The following LETM2 variants were observed in gnomAD, a reference collection of about 807,000 sequenced individuals.
LETM2 encodes leucine zipper and EF-hand containing transmembrane protein 2.
In LETM2, 58 loss-of-function variants were observed where a neutral mutation model predicts 59.6. That is an observed-to-expected ratio of 0.97 (90% CI 0.79 to 1.21). LETM2 has a LOEUF of 1.21. LETM2 is among the 50% of genes most tolerant of loss of function. The probability of loss-of-function intolerance (pLI) is 0.00; values close to 1 mark genes in which losing one functional copy is unlikely to be tolerated. For missense variants in LETM2, 572 were observed against 575.7 expected, an observed-to-expected ratio of 0.99 and a Z score of 0.07; for synonymous variants, 199 against 214.1, an observed-to-expected ratio of 0.93 and a Z score of 0.62.
Position 38,401,135 on chromosome 8 carries a change from A to AT in LETM2, c.984+88dup, listed in dbSNP as rs1243993903. On this transcript the variant is annotated intron_variant, in intron 6 of 10. Transcript: ENST00000379957. ...GTGCCTGTGGGATGAAGTGTGCAGTATTTTTTGTTTTTGTTTTTGTTTTTG... is the reference window on the plus strand; with the variant it reads ...GTGCCTGTGGGATGAAGTGTGCAGTATTTTTTTGTTTTTGTTTTTGTTTTTG... 2.6e-5 allele frequency: 31 copies of AT among 1,195,726 alleles called. No homozygotes were observed. The East Asian group carries it at 4.0e-4, about 16-fold the overall frequency. 74.1% of individuals were successfully genotyped at this position (1,195,726 alleles called of 1,614,324 possible).
rs972909162 is a variant in LETM2, at chr8:38,404,309, G to A, written c.1105-84G>A. On this transcript the variant is annotated intron_variant, in intron 7 of 10. Transcript: ENST00000379957. Reference sequence around the variant, plus strand: ...GAAAGGGCGGGGGCGGTGGGAAGCTGTCAGCCAGGGAGGGTAGATGACCGC... The same window carrying A: ...GAAAGGGCGGGGGCGGTGGGAAGCTATCAGCCAGGGAGGGTAGATGACCGC... The A allele has an allele frequency of 2.8e-5, 26 of 942,470 alleles. No individual in the cohort carries two copies. In the East Asian group the frequency reaches 5.1e-4, roughly 18 times the overall value. The allele number at this position is 942,470 out of a possible 1,614,324, so 58.4% of individuals were successfully genotyped here.
chr8:38,389,514 G>A (rs913928234), intron 2 of LETM2, among the ~76,000 whole-genome samples: 29 of 152,030 alleles, frequency 1.9e-4, no homozygotes, highest in Admixed American at 1.8e-3. Flanking sequence ...CACCGTGCCC[G>A]GCCACCATTT....
At chr8:38,408,137 AC>A in intron 10 of LETM2, 74 bp from the exon 11 acceptor site, 1 of 1,112,376 alleles carries the variant, frequency 9.0e-7, no homozygotes, top group East Asian at 2.5e-5. Flanking sequence ...GATTAAGAAA[AC>A]AAAAATAGCA....
chr8:38,389,826 C>G lies in LETM2; in HGVS notation c.47+1796C>G, dbSNP rs569333749. 9.9e-4 allele frequency among the ~76,000 whole-genome samples: 150 copies of G among 151,876 alleles called. 2 individuals carry two copies. Among genetic ancestry groups the G allele is most frequent in the Middle Eastern group, 3.4e-3 (1 of 294 alleles). Reference sequence around the variant, plus strand: ...CCATCCTGGCCAATGTGGTGAAACCCCGTCTCTACTAAAAATACAAAAATT... The same window carrying G: ...CCATCCTGGCCAATGTGGTGAAACCGCGTCTCTACTAAAAATACAAAAATT... On this transcript the variant is annotated intron_variant, in intron 2 of 10. Transcript: ENST00000379957.
rs118023070 is a variant in LETM2, at chr8:38,405,349, G to A, written c.1218+843G>A. Among the ~76,000 whole-genome samples, 731 of 152,216 alleles carry A rather than the reference G, an allele frequency of 4.8e-3. 3 individuals carry two copies. The highest frequency in any genetic ancestry group is 9.9e-3 in the Admixed American group (152 of 15,292). The stretch of plus-strand genomic sequence containing the variant: ...CTGGGCCCATCAGAAAGGGCCTCCC[G>A]CTTCTCTAGCTGGTGGCTTCCTGTC... On this transcript the variant is annotated intron_variant, in intron 8 of 10. Coordinates refer to ENST00000379957, the MANE Select transcript of LETM2 (RefSeq NM_001286819.2).
chr8:38,399,794 A>AAT (rs1173546944), intron 4 of LETM2, among the ~76,000 whole-genome samples: 21 of 151,378 alleles, frequency 1.4e-4, no homozygotes, highest in African/African-American at 4.6e-4. Context: ...AAAAAAAAAA[A>AAT]AATTAGCCAG....
chr8:38,384,451 C>T (rs1307066816), upstream of LETM2, among the ~76,000 whole-genome samples: 1 of 152,190 alleles, frequency 6.6e-6, no homozygotes, highest in Admixed American at 6.5e-5. Flanking sequence ...CAGTATCTAA[C>T]ATCTTCTGAG....
At chr8:38,388,315 G>A (rs1333308050) in intron 2 of LETM2, among the ~76,000 whole-genome samples, 1 of 151,704 alleles carries the variant, frequency 6.6e-6, no homozygotes, top group Non-Finnish European at 1.5e-5. Flanking sequence ...CCTGACCTTA[G>A]GTGATCCGCC....
chr8:38,393,109 A>G, intron 3 of LETM2, 114 bp downstream of exon 3: 2 of 905,256 alleles, frequency 2.2e-6, no homozygotes, highest in Non-Finnish European at 3.3e-6. Context: ...AGTAGGAATA[A>G]TAACTGCTGG....
chr8:38,388,229 G>A (rs931076870), intron 2 of LETM2, among the ~76,000 whole-genome samples, 199 bp downstream of exon 2: 2 of 151,862 alleles, frequency 1.3e-5, no homozygotes, highest in Middle Eastern at 3.4e-3. Context: ...ACAGGTGTTT[G>A]CCACCACCTC....
chr8:38,408,347 C>G lies in LETM2; in HGVS notation c.*73C>G, dbSNP rs1813908953. ...ACAGTGGCATCTGTAAAGGACCTCCCAGATAAGACTGTCTGGCTTCAGAGA... is the reference window on the plus strand; with the variant it reads ...ACAGTGGCATCTGTAAAGGACCTCCGAGATAAGACTGTCTGGCTTCAGAGA... On this transcript the variant is annotated 3_prime_UTR_variant, in exon 11 of 11. Coordinates refer to ENST00000379957, the MANE Select transcript of LETM2 (RefSeq NM_001286819.2). 1 of 1,283,544 alleles carries G rather than the reference C, an allele frequency of 7.8e-7. No individual in the cohort carries two copies. The allele number at this position is 1,283,544 out of a possible 1,614,324, so 79.5% of individuals were successfully genotyped here. A position where few individuals can be genotyped will look rare whatever the true frequency, so the allele number is the denominator to read the frequency against.
chr8:38,394,070 A>C (rs1451311217), intron 3 of LETM2, 28 bp from the exon 4 acceptor site: 2 of 1,397,656 alleles, frequency 1.4e-6, no homozygotes, highest in South Asian at 1.6e-5. Flanking sequence ...TAAAATAATG[A>C]ATATTGCATA....
At chr8:38,398,959 G>A (rs1290396102) in intron 4 of LETM2, among the ~76,000 whole-genome samples, 2 of 152,028 alleles carry the variant, frequency 1.3e-5, no homozygotes, top group African/African-American at 4.8e-5. Context: ...GATCTCAGGT[G>A]ATCCAGCTGC....
intron 8 of LETM2, among the ~76,000 whole-genome samples, chr8:38,405,119 G>C (rs1255664179): frequency 1.3e-5 from 2 of 152,130 alleles, no homozygotes; most frequent in Non-Finnish European, 2.9e-5. Context: ...TTAGCAGACT[G>C]GTGTGTGTGG....
At chr8:38,394,637 T>C (rs941163355) in intron 4 of LETM2, among the ~76,000 whole-genome samples, 3 of 151,570 alleles carry the variant, frequency 2.0e-5, no homozygotes, top group Admixed American at 6.6e-5. Context: ...AGCCCAGGAG[T>C]TTGAGACCAG....
Position 38,408,271 on chromosome 8 carries a change from A to G in LETM2, c.1473A>G (p.Ala491=), listed in dbSNP as rs778392059. The part of the protein sequence containing the change: ...AQNSKASSKG[A] Reference sequence around the variant, plus strand: ...ACAGCAAGGCTAGTTCAAAAGGAGCATAAAGGACTACTTGAGGATGGAGCT... The same window carrying G: ...ACAGCAAGGCTAGTTCAAAAGGAGCGTAAAGGACTACTTGAGGATGGAGCT... The change falls in exon 11 of 11, where the codon GCA becomes GCG. Residue 491 remains alanine (A), a synonymous_variant. Transcript: ENST00000379957. 2 of 1,612,374 alleles carry G rather than the reference A, an allele frequency of 1.2e-6. No individual in the cohort carries two copies. Among genetic ancestry groups the G allele is most frequent in the Non-Finnish European group, 1.7e-6 (2 of 1,179,146 alleles).
upstream of LETM2, among the ~76,000 whole-genome samples, chr8:38,383,748 G>T (rs1349005217): frequency 6.6e-6 from 1 of 151,914 alleles, no homozygotes; most frequent in Non-Finnish European, 1.5e-5. Context: ...GGCTAAGACG[G>T]TGAAACCCCG....
chr8:38,404,545 C>A, intron 8 of LETM2, 39 bp downstream of exon 8: 1 of 1,227,076 alleles, frequency 8.1e-7, no homozygotes, highest in Non-Finnish European at 1.2e-6. Context: ...GACGTCCATC[C>A]AACTGAGGCC....
At chr8:38,405,342 G>C (rs1320511737) in intron 8 of LETM2, among the ~76,000 whole-genome samples, 1 of 152,112 alleles carries the variant, frequency 6.6e-6, no homozygotes, top group Non-Finnish European at 1.5e-5. Context: ...ATCAGAAAGG[G>C]CCTCCCGCTT....
Sources: gnomAD v4.1 joint callset for allele counts (sites outside exome capture counted in the v4.1 genomes callset) on GRCh38, gnomAD v4.1.1 for gene constraint, MANE v1.5 for transcripts, NCBI Gene and HGNC (gene_info 2026-07-23, HGNC 2026-07-21) for gene names.